ABCF3: variants seen among roughly 807,000 people sequenced by gnomAD.
The protein encoded by ABCF3 is ATP-binding cassette sub-family F member 3.
In ABCF3, 62 loss-of-function variants were observed where a neutral mutation model predicts 94.3. That is an observed-to-expected ratio of 0.66 (90% CI 0.54 to 0.81). The LOEUF (loss-of-function observed/expected upper bound fraction) is 0.81, where lower values mean the gene tolerates loss of function less well. Ranked by LOEUF, ABCF3 falls within the 40% of genes least tolerant of loss-of-function variation. The pLI, the probability that ABCF3 is intolerant of heterozygous loss-of-function variation, is 0.00. For missense variants in ABCF3, 843 were observed against 925.3 expected (o/e 0.91, Z 1.15); for synonymous variants, 355 against 361.1 (o/e 0.98, Z 0.19).
chr3:184,190,671 C>T, intron 14 of ABCF3: 1 of 242,436 alleles, frequency 4.1e-6, no homozygotes, highest in South Asian at 5.6e-5. Context: ...TTTTGATTTG[C>T]ATTGCCTTAA....
chr3:184,187,104 T>G lies in ABCF3; in HGVS notation c.301+229T>G, dbSNP rs143216217. 2.6e-4 allele frequency: 165 copies of G among 632,400 alleles called. No homozygotes were observed. The African/African-American group carries it at 2.8e-3, about 11-fold the overall frequency. The allele number at this position is 632,400 out of a possible 1,614,324, so 39.2% of individuals were successfully genotyped here. ...GATAGGAAGCATAAGAGCCTGGAGC[T>G]GGACAGACTTGCTTTCACCCCCAGT... On this transcript the variant is annotated intron_variant, in intron 3 of 20. Transcript: ENST00000429586.
At position 184,186,649 on chromosome 3, in the gene ABCF3, G is replaced by C; in HGVS notation, c.216G>C (p.Leu72=). 6.2e-7 allele frequency: 1 copy of C among 1,608,292 alleles called. No homozygotes were observed. The highest frequency in any genetic ancestry group is 8.5e-7 in the Non-Finnish European group (1 of 1,176,722). ...TGTGCCAGCGCATGTACAACACTCT[G>C]CGTCTGTATGTGCCAGGGAGTAGGG... ...RAVCQRMYNT[L]RLAEPQSQGN... The change falls in exon 2 of 21, where the codon CTG becomes CTC. Residue 72 remains leucine, a synonymous_variant. Coordinates refer to ENST00000429586, the MANE Select transcript of ABCF3 (RefSeq NM_018358.3).
chr3:184,187,308 T>A (rs375066358), intron 3 of ABCF3, 89 bp from the exon 4 acceptor site: 4 of 1,459,874 alleles, frequency 2.7e-6, no homozygotes, highest in East Asian at 2.3e-5. Flanking sequence ...AGAAAACATC[T>A]GTGTCTGTGC....
chr3:184,191,356 TG>T, intron 16 of ABCF3, 101 bp downstream of exon 16: 2 of 1,564,742 alleles, frequency 1.3e-6, no homozygotes, highest in Non-Finnish European at 1.7e-6. Context: ...ACGAGGTCTG[TG>T]GAACAGGAGT....
rs1470583796 is a variant in ABCF3 at position 184,193,694 on chromosome 3, T to C, written c.2126T>C (p.Leu709Pro). Residue 709 changes from leucine to proline, a missense_variant, in exon 21 of 21, where the codon CTC becomes CCC. Coordinates refer to ENST00000429586, the MANE Select transcript of ABCF3 (RefSeq NM_018358.3). This position sits in a 1 kb window ranked among gnomAD's most constrained non-coding sequence, Gnocchi z 5.2. ...GAACAGTTCCGCCGCGAAGGCTTCC[T>C]CTAGGGCCACCAGGCTGAGGACTCG... ...LQEQFRREGF[L>P] 6.2e-7 allele frequency: 1 copy of C among 1,607,338 alleles called. No homozygotes were observed. The highest frequency in any genetic ancestry group is 1.1e-5 in the South Asian group (1 of 90,272).
intron 16 of ABCF3, 125 bp from the exon 17 acceptor site, chr3:184,192,476 C>T: frequency 1.1e-6 from 1 of 924,912 alleles, no homozygotes; most frequent in Non-Finnish European, 1.6e-6. Context: ...TTCCCAGCCT[C>T]TAGTAACCAC....
Position 184,186,250 on chromosome 3 carries a change from A to G in ABCF3, c.43A>G (p.Ile15Val). ...AEILRSEFPEIDGQVFDYVTG... is the reference protein window; with the variant it reads ...AEILRSEFPEVDGQVFDYVTG... Reference sequence around the variant, plus strand: ...AATCCTGCGGAGCGAGTTCCCCGAAATTGACGGACAAGTCTTCGACTACGT... The same window carrying G: ...AATCCTGCGGAGCGAGTTCCCCGAAGTTGACGGACAAGTCTTCGACTACGT... Residue 15 changes from isoleucine to valine, a missense_variant, in exon 1 of 21, where the codon ATT (isoleucine) becomes GTT (valine). Ile to Val is a conservative substitution (Grantham distance 29). Coordinates refer to ENST00000429586, the MANE Select transcript of ABCF3 (RefSeq NM_018358.3). 2.5e-6 allele frequency: 4 copies of G among 1,614,242 alleles called. No homozygotes were observed. The highest frequency in any genetic ancestry group is 2.2e-5 in the East Asian group (1 of 44,890).
rs1458189051 is a variant in ABCF3, at chr3:184,186,895, G to A, written c.301+20G>A. 1.9e-6 allele frequency: 3 copies of A among 1,608,772 alleles called. No individual in the cohort carries two copies. Among genetic ancestry groups the A allele is most frequent in the Non-Finnish European group, 2.5e-6 (3 of 1,177,026 alleles). ...ACTACGGTGAGAGTGAGGGGAGGTT[G>A]AACTAACTGCCCCCCTGTGCTTTTC... On this transcript the variant is annotated intron_variant, in intron 3 of 20. Coordinates refer to ENST00000429586, the MANE Select transcript of ABCF3 (RefSeq NM_018358.3).
intron 16 of ABCF3, 94 bp from the exon 17 acceptor site, chr3:184,192,507 T>C (rs925084433): frequency 2.5e-6 from 3 of 1,181,664 alleles, no homozygotes; most frequent in South Asian, 2.8e-5. Context: ...TCTACTTCTA[T>C]GTGCTCAACA....
At position 184,188,417 on chromosome 3, in the gene ABCF3, C is replaced by G; in HGVS notation, c.836+10C>G. On this transcript the variant is annotated intron_variant, in intron 7 of 20. Coordinates refer to ENST00000429586, the MANE Select transcript of ABCF3 (RefSeq NM_018358.3). ...AGATTGCTGCTGGCAGGTGAGGACT[C>G]CCGGCTAGGGAGTAACTAGCAGCCG... 1 of 1,600,422 alleles carries G rather than the reference C, an allele frequency of 6.2e-7. No homozygotes were observed. The highest frequency in any genetic ancestry group is 8.5e-7 in the Non-Finnish European group (1 of 1,171,332).
intron 5 of ABCF3, 40 bp from the exon 6 acceptor site, chr3:184,187,821 G>A (rs1359150982): frequency 3.7e-6 from 6 of 1,613,986 alleles, no homozygotes; most frequent in Non-Finnish European, 5.1e-6. Context: ...GACAGAAGGT[G>A]GTGGGGAGCA....
In ABCF3 at chr3:184,192,648, G is replaced by A; in HGVS notation, c.1617G>A (p.Leu539=). 1 of 1,610,518 alleles carries A rather than the reference G, an allele frequency of 6.2e-7. No homozygotes were observed. The highest frequency in any genetic ancestry group is 8.5e-7 in the Non-Finnish European group (1 of 1,179,182). ...AGKSTMLKLL[L]GDLAPVRGIR... ...AGTCTACCATGCTGAAGCTGCTTTT[G>A]GGGGACCTGGCACCTGTTCGGGGCA... Residue 539 remains leucine (L), a synonymous_variant, in exon 17 of 21, where the codon TTG becomes TTA. Transcript: ENST00000429586.
chr3:184,187,317 G>C (rs1307892623), intron 3 of ABCF3, 80 bp from the exon 4 acceptor site: 11 of 1,523,108 alleles, frequency 7.2e-6, no homozygotes, highest in Non-Finnish European at 1.0e-5. Flanking sequence ...CTGTGTCTGT[G>C]CCTGGTTCCT....
In ABCF3 at chr3:184,191,122, G is replaced by T; in HGVS notation, c.1437-1G>T. 6.2e-7 allele frequency: 1 copy of T among 1,614,196 alleles called. No homozygotes were observed. The highest frequency in any genetic ancestry group is 8.5e-7 in the Non-Finnish European group (1 of 1,180,030). Reference sequence around the variant, plus strand: ...CACATCCTCACCCCTACCTCCTGCAGGTTCCCTGATGGGTTTGAGAAGTTC... The same window carrying T: ...CACATCCTCACCCCTACCTCCTGCATGTTCCCTGATGGGTTTGAGAAGTTC... On this transcript the variant is annotated splice_acceptor_variant, in intron 15 of 20. Coordinates refer to ENST00000429586, the MANE Select transcript of ABCF3 (RefSeq NM_018358.3). LOFTEE classifies it high-confidence loss of function.
intron 16 of ABCF3, 98 bp downstream of exon 16, chr3:184,191,353 C>T: frequency 6.4e-7 from 1 of 1,573,916 alleles, no homozygotes; most frequent in Non-Finnish European, 8.6e-7. Flanking sequence ...GGGACGAGGT[C>T]TGTGGAACAG....
At chr3:184,188,461 C>T in intron 7 of ABCF3, 54 bp downstream of exon 7, 1 of 1,563,878 alleles carries the variant, frequency 6.4e-7, no homozygotes. Flanking sequence ...TACAGAGCGC[C>T]TGCCGTCCTG....
chr3:184,192,783 C>G (rs1435377621), intron 17 of ABCF3, 22 bp from the exon 18 acceptor site: 1 of 1,613,506 alleles, frequency 6.2e-7, no homozygotes, highest in Admixed American at 1.7e-5. Flanking sequence ...GTCTGTTTTT[C>G]CACCTCGGCT....
chr3:184,190,077 T>A, intron 14 of ABCF3, 146 bp downstream of exon 14: 1 of 816,176 alleles, frequency 1.2e-6, no homozygotes, highest in Non-Finnish European at 2.0e-6. Flanking sequence ...AGCAGAGTAT[T>A]CCACACTGTT....
Position 184,187,520 on chromosome 3 carries a change from G to A in ABCF3, c.348+77G>A, listed in dbSNP as rs1715715216. ...GACTGTCTAATTGGAGTATCTTTTG[G>A]GGGGATTTCTGACTATGTCTTTTCC... is the stretch of plus-strand genomic sequence containing the variant. On this transcript the variant is annotated intron_variant, in intron 4 of 20. Transcript: ENST00000429586. The A allele has an allele frequency of 1.4e-5, 22 of 1,555,494 alleles. No homozygotes were observed. The Admixed American group carries it at 3.5e-4, about 25-fold the overall frequency.
Sources: gnomAD v4.1 joint callset for allele counts on GRCh38, gnomAD v4.1.1 for gene constraint, Gnocchi (gnomAD v3.1) non-coding constraint, MANE v1.5 for transcripts, NCBI Gene and HGNC (gene_info 2026-07-23, HGNC 2026-07-21) for gene names.